The following NFIL3 variants were observed in gnomAD, a reference collection of about 807,000 sequenced individuals.
NFIL3 encodes nuclear factor, interleukin 3 regulated.
NFIL3 carries 5 observed loss-of-function variants against 10.0 expected under a neutral mutation model. The observed-to-expected ratio is 0.50, with a 90% confidence interval of 0.26 to 1.06. NFIL3 has a LOEUF of 1.06. Among genes scored for constraint, NFIL3 ranks in the 50% least tolerant of loss-of-function variants. The probability of loss-of-function intolerance (pLI) is 0.13; values close to 1 mark genes in which losing one functional copy is unlikely to be tolerated. For missense variants in NFIL3, 436 were observed against 547.6 expected (o/e 0.80, Z 2.03); for synonymous variants, 202 against 206.5 (o/e 0.98, Z 0.19).
intron 1 of NFIL3, among the ~76,000 whole-genome samples, chr9:91,415,685 T>C (rs1019517427): frequency 1.3e-5 from 2 of 151,888 alleles, no homozygotes; most frequent in South Asian, 2.1e-4. Context: ...TGGAGTGCAA[T>C]GGCGCGATCT....
At chr9:91,458,863 A>C in the NFIL3 span, among the ~76,000 whole-genome samples, 1 of 152,188 alleles carries the variant, frequency 6.6e-6, no homozygotes, top group Admixed American at 6.5e-5. Context: ...AAAATTAAGG[A>C]GCATGGACAC....
chr9:91,467,693 C>T, the NFIL3 span, among the ~76,000 whole-genome samples: 1 of 151,998 alleles, frequency 6.6e-6, no homozygotes. Flanking sequence ...CCCCAACCCC[C>T]ACCCCACAAC....
At chr9:91,480,065 G>A in the NFIL3 span, among the ~76,000 whole-genome samples, 2 of 151,954 alleles carry the variant, frequency 1.3e-5, no homozygotes, top group Admixed American at 6.6e-5. Context: ...TGTTGATCTC[G>A]CTGGGAGCTG....
the NFIL3 span, among the ~76,000 whole-genome samples, chr9:91,435,726 C>G: frequency 6.6e-6 from 1 of 152,214 alleles, no homozygotes; most frequent in Non-Finnish European, 1.5e-5. Flanking sequence ...CAACCAGGGT[C>G]CCTTACTGAG....
In NFIL3 at chr9:91,410,507, A is replaced by G. The variant is rs1453380820; in HGVS notation, c.228T>C (p.Tyr76=). 1.2e-6 allele frequency: 2 copies of G among 1,614,090 alleles called. No homozygotes were observed. Among genetic ancestry groups the G allele is most frequent in the Admixed American group, 3.3e-5 (2 of 60,012 alleles). ...CATTATTTTTCCGCCTTTTTTCCCA[A>G]TACATAGCATCTTTCTTTTCATCAG... ...FIPDEKKDAM[Y]WEKRRKNNEA... Residue 76 remains tyrosine, a synonymous_variant, in exon 2 of 2, where the codon TAT becomes TAC. Coordinates refer to ENST00000297689, the MANE Select transcript of NFIL3 (RefSeq NM_005384.3). The surrounding 1 kb of genome is among the most constrained non-coding windows in gnomAD (Gnocchi z 5.7).
chr9:91,421,510 G>A (rs966076620), intron 1 of NFIL3, among the ~76,000 whole-genome samples: 1 of 152,100 alleles, frequency 6.6e-6, no homozygotes, highest in Admixed American at 6.5e-5. Flanking sequence ...GTTCGGAGGC[G>A]CTTCTCGGTC....
intron 1 of NFIL3, among the ~76,000 whole-genome samples, chr9:91,415,039 C>T (rs1019499240): frequency 6.6e-6 from 1 of 152,120 alleles, no homozygotes; most frequent in African/African-American, 2.4e-5. Flanking sequence ...GAGAGATTCT[C>T]TTATTCATTA....
the NFIL3 span, among the ~76,000 whole-genome samples, chr9:91,468,555 A>G: frequency 3.4e-4 from 52 of 151,886 alleles, no homozygotes; most frequent in African/African-American, 1.2e-3. Flanking sequence ...GATCCCATTT[A>G]TCTATTTTGG....
At chr9:91,451,513 A>G in the NFIL3 span, among the ~76,000 whole-genome samples, 4,677 of 152,280 alleles carry the variant, frequency 0.031, 244 homozygotes, top group African/African-American at 0.11. Flanking sequence ...GCAAGCCACA[A>G]TTGGCCCTCA....
chr9:91,462,202 TA>T, the NFIL3 span, among the ~76,000 whole-genome samples: 17,103 of 151,954 alleles, frequency 0.11, 2,051 homozygotes, highest in African/African-American at 0.3. Context: ...TATTATCTTT[TA>T]TTTTTTTTGG....
the NFIL3 span, among the ~76,000 whole-genome samples, chr9:91,479,933 G>A: frequency 1.2e-4 from 19 of 152,204 alleles, no homozygotes; most frequent in East Asian, 3.3e-3. Flanking sequence ...TGCACTTCTC[G>A]GGTGAGGTGA....
rs772963537 is a variant in NFIL3, at chr9:91,409,943, G to A, written c.792C>T (p.Val264=). Residue 264 remains valine (V), a synonymous_variant, in exon 2 of 2, where the codon GTC becomes GTT. Transcript: ENST00000297689. ...GYSHSPPLLQ[V]NRSSSNSPRT... is the part of the protein sequence containing the mutation. ...TCGGGGAGTTGCTGGAGGATCGGTT[G>A]ACTTGCAGTAGTGGGGGAGAGTGTG... 1.9e-6 allele frequency: 3 copies of A among 1,613,866 alleles called. No homozygotes were observed. The highest frequency in any genetic ancestry group is 2.2e-5 in the South Asian group (2 of 91,072).
chr9:91,442,091 TGAA>T, the NFIL3 span, among the ~76,000 whole-genome samples: 1 of 152,088 alleles, frequency 6.6e-6, no homozygotes, highest in East Asian at 1.9e-4. Context: ...TTTTTCTGCT[TGAA>T]GAACTCCTTT....
At chr9:91,428,455 G>T (rs1833893150), upstream of NFIL3, among the ~76,000 whole-genome samples, 1 of 152,178 alleles carries the variant, frequency 6.6e-6, no homozygotes, top group Admixed American at 6.5e-5. Flanking sequence ...TTGCCATGTG[G>T]CTCCATTAGC....
chr9:91,475,461 T>C, the NFIL3 span, among the ~76,000 whole-genome samples: 3 of 152,168 alleles, frequency 2.0e-5, no homozygotes, highest in Non-Finnish European at 2.9e-5. Context: ...GGTACAGAAT[T>C]CTAACAAAAG....
At chr9:91,444,205 C>T in the NFIL3 span, among the ~76,000 whole-genome samples, 1 of 151,830 alleles carries the variant, frequency 6.6e-6, no homozygotes, top group African/African-American at 2.4e-5. Context: ...ATCTAGTCTG[C>T]TGTTGAAGCT....
chr9:91,430,862 T>A, the NFIL3 span, among the ~76,000 whole-genome samples: 1 of 152,240 alleles, frequency 6.6e-6, no homozygotes, highest in South Asian at 2.1e-4. Context: ...CTCAGGCTAG[T>A]CTCAAACTCC....
the NFIL3 span, among the ~76,000 whole-genome samples, chr9:91,470,346 T>C: frequency 2.0e-5 from 3 of 149,106 alleles, no homozygotes; most frequent in Non-Finnish European, 3.0e-5. Flanking sequence ...TCTCTGATGG[T>C]AGTTTGTATT....
At chr9:91,460,568 C>T in the NFIL3 span, among the ~76,000 whole-genome samples, 14 of 152,064 alleles carry the variant, frequency 9.2e-5, no homozygotes, top group Non-Finnish European at 1.8e-4. Flanking sequence ...TGAGCCACCA[C>T]GCCCAGCTTG....
Sources: allele counts gnomAD v4.1 joint callset (sites outside exome capture counted in the v4.1 genomes callset), GRCh38; gene constraint gnomAD v4.1.1; non-coding constraint Gnocchi (gnomAD v3.1); transcripts MANE v1.5; gene names NCBI Gene and HGNC (gene_info 2026-07-23, HGNC 2026-07-21).